CCDC137: variants seen among roughly 807,000 people sequenced by gnomAD.
CCDC137 encodes the protein coiled-coil domain-containing protein 137.
A neutral mutation model predicts 30.4 loss-of-function variants in CCDC137; 24 were observed. That is an observed-to-expected ratio of 0.79 (90% CI 0.57 to 1.11). The LOEUF is 1.11. Among genes scored for constraint, CCDC137 ranks in the 50% least tolerant of loss-of-function variants. The pLI, the probability that CCDC137 is intolerant of heterozygous loss-of-function variation, is 0.00. For missense variants in CCDC137, 417 were observed against 380.4 expected, an observed-to-expected ratio of 1.10 and a Z score of -0.80; for synonymous variants, 182 against 155.7, an observed-to-expected ratio of 1.17 and a Z score of -1.26.
At position 81,668,700 on chromosome 17, in the gene CCDC137, GTTTA is replaced by G. The variant is rs976084702; in HGVS notation, c.268+853_268+856del. Among the ~76,000 whole-genome samples, 48 of 150,340 alleles carry G rather than the reference GTTTA, an allele frequency of 3.2e-4. 1 individual carries two copies. The highest frequency in any genetic ancestry group is 9.8e-4 in the African/African-American group (39 of 39,796). On this transcript the variant is annotated intron_variant, in intron 2 of 5. Coordinates refer to ENST00000329214, the MANE Select transcript of CCDC137 (RefSeq NM_199287.3). ...ATTGAATTGGCACCTTTGTTTGTTT[GTTTA>G]TTTATTTATTTATTGAGATGGAGTC...
chr17:81,666,823 T>C lies in CCDC137; in HGVS notation c.57T>C (p.Ser19=). The C allele has an allele frequency of 7.4e-7, 1 of 1,357,780 alleles. No individual in the cohort carries two copies. Among genetic ancestry groups the C allele is most frequent in the South Asian group, 1.9e-5 (1 of 53,162 alleles). 84.1% of individuals were successfully genotyped at this position (1,357,780 alleles called of 1,614,324 possible). A position where few individuals can be genotyped will look rare whatever the true frequency, so the allele number is the denominator to read the frequency against. Residue 19 remains serine, a synonymous_variant, in exon 1 of 6, where the codon AGT becomes AGC. Transcript: ENST00000329214. ...CCAGGGTGCAGGCGGGTCCTGGGAG[T>C]CCCCGGCGAGCGCGGGGGCGGCAGC... The part of the protein sequence containing the change: ...AVSRVQAGPG[S]PRRARGRQQV...
intron 2 of CCDC137, among the ~76,000 whole-genome samples, chr17:81,668,882 G>T (rs1475260099): frequency 8.6e-4 from 117 of 136,164 alleles, no homozygotes; most frequent in African/African-American, 2.5e-3. Flanking sequence ...TTTGTGTGTG[G>T]TTTTTTTTTT....
At position 81,671,685 on chromosome 17, in the gene CCDC137, C is replaced by A. The variant is rs2036720753; in HGVS notation, c.498-59C>A. ...CCCTTGTGGGTGGGGCGGCCTCTGC[C>A]TCCTCCCTGGGTGGAAAGAGAATTT... On this transcript the variant is annotated intron_variant, in intron 3 of 5. Coordinates refer to ENST00000329214, the MANE Select transcript of CCDC137 (RefSeq NM_199287.3). 3 of 1,578,102 alleles carry A rather than the reference C, an allele frequency of 1.9e-6. No individual in the cohort carries two copies. In the African/African-American group the frequency reaches 4.1e-5, roughly 21 times the overall value.
At chr17:81,667,155 G>T (rs939601784) in intron 1 of CCDC137, 6 of 392,036 alleles carry the variant, frequency 1.5e-5, no homozygotes, top group Non-Finnish European at 2.7e-5. Context: ...GGTCAGGGCG[G>T]AAAGGCCTCC....
chr17:81,667,533 T>C (rs2036653997), intron 1 of CCDC137, among the ~76,000 whole-genome samples, 196 bp from the exon 2 acceptor site: 2 of 152,196 alleles, frequency 1.3e-5, no homozygotes, highest in African/African-American at 4.8e-5. Flanking sequence ...TTCACTGTGT[T>C]AGTCAGGATG....
At chr17:81,668,469 G>T (rs2144439451) in intron 2 of CCDC137, among the ~76,000 whole-genome samples, 1 of 152,322 alleles carries the variant, frequency 6.6e-6, no homozygotes, top group East Asian at 1.9e-4. Flanking sequence ...AGTCCACTGT[G>T]TGTATATTTT....
chr17:81,671,091 C>G (rs561085287), intron 3 of CCDC137, among the ~76,000 whole-genome samples: 1 of 150,878 alleles, frequency 6.6e-6, no homozygotes, highest in South Asian at 2.1e-4. Context: ...GAGATCGTGC[C>G]GCTGCACTCC....
chr17:81,669,972 C>T (rs1173521858), intron 2 of CCDC137: 22 of 504,250 alleles, frequency 4.4e-5, no homozygotes, highest in Admixed American at 1.4e-4. Context: ...TAGGGGTGGA[C>T]ATTAGGTTGT....
rs2036736642 is a variant in CCDC137, at chr17:81,672,696, C to T, written c.862C>T (p.Gln288Ter). The T allele has an allele frequency of 6.3e-7, 1 of 1,587,072 alleles. No homozygotes were observed. Among genetic ancestry groups the T allele is most frequent in the Non-Finnish European group, 8.6e-7 (1 of 1,167,752 alleles). ...HLTSRKKPEP[Q>*]L ...CACTTCCCGGAAGAAGCCAGAGCCG[C>T]AGCTGTGATGGAGAGACACCCGGGG... is the stretch of plus-strand genomic sequence containing the variant. The change falls in exon 6 of 6, where the codon CAG becomes TAG. Residue 288 changes from glutamine (Q) to a stop codon, truncating the protein, a stop_gained. Transcript: ENST00000329214. LOFTEE classifies it high-confidence loss of function.
chr17:81,669,887 T>C, intron 2 of CCDC137: 1 of 277,748 alleles, frequency 3.6e-6, no homozygotes, highest in South Asian at 4.4e-5. Flanking sequence ...TCTGTGTAGC[T>C]CCACTGGGCT....
At chr17:81,667,213 T>G in intron 1 of CCDC137, among the ~76,000 whole-genome samples, 1 of 152,158 alleles carries the variant, frequency 6.6e-6, no homozygotes, top group East Asian at 1.9e-4. Flanking sequence ...AGGAAGGGGT[T>G]CAGGGACAGC....
At chr17:81,670,787 C>T (rs2036711583) in intron 3 of CCDC137, among the ~76,000 whole-genome samples, 2 of 152,140 alleles carry the variant, frequency 1.3e-5, no homozygotes, top group Non-Finnish European at 1.5e-5. Flanking sequence ...GTTCTGTTTC[C>T]ATTAGAACAG....
chr17:81,667,726 C>T lies in CCDC137; in HGVS notation c.135-3C>T. The T allele has an allele frequency of 1.2e-6, 2 of 1,613,752 alleles. No homozygotes were observed. The highest frequency in any genetic ancestry group is 1.7e-6 in the Non-Finnish European group (2 of 1,179,956). Reference sequence around the variant, plus strand: ...GGTCTCACCCCCGTGTTCTTTCTCCCAGCAAAGAGAAGAAGAAAGTGAACT... The same window carrying T: ...GGTCTCACCCCCGTGTTCTTTCTCCTAGCAAAGAGAAGAAGAAAGTGAACT... On this transcript the variant is annotated splice_polypyrimidine_tract_variant and splice_region_variant and intron_variant, in intron 1 of 5. Transcript: ENST00000329214.
In CCDC137 at chr17:81,672,789, G is replaced by A; in HGVS notation, c.*85G>A. The A allele has an allele frequency of 1.5e-6, 2 of 1,316,028 alleles. No homozygotes were observed. Among genetic ancestry groups the A allele is most frequent in the South Asian group, 1.5e-5 (1 of 68,700 alleles). The allele number at this position is 1,316,028 out of a possible 1,614,324, so 81.5% of individuals were successfully genotyped here. A position where few individuals can be genotyped will look rare whatever the true frequency, so the allele number is the denominator to read the frequency against. The stretch of plus-strand genomic sequence containing the variant: ...CCTGGGTAGGAGAGAGGCAGGCCAT[G>A]CCAGCAGTGTGGGGTGAGGCCTCCA... On this transcript the variant is annotated 3_prime_UTR_variant, in exon 6 of 6. Transcript: ENST00000329214.
rs764307717 is a variant in CCDC137 at position 81,666,744 on chromosome 17, C to T, written c.-23C>T. ...ATGCAGGAAGGCGGAAGTGGCTTCG[C>T]TAGGGAGCCTCCCGGCGTGGAGATG... On this transcript the variant is annotated 5_prime_UTR_variant, in exon 1 of 6. Coordinates refer to ENST00000329214, the MANE Select transcript of CCDC137 (RefSeq NM_199287.3). The T allele has an allele frequency of 2.1e-6, 3 of 1,450,024 alleles. No individual in the cohort carries two copies. The highest frequency in any genetic ancestry group is 2.9e-5 in the South Asian group (2 of 68,986). The allele number at this position is 1,450,024 out of a possible 1,614,324, so 89.8% of individuals were successfully genotyped here. A position where few individuals can be genotyped will look rare whatever the true frequency, so the allele number is the denominator to read the frequency against.
Position 81,670,278 on chromosome 17 carries a change from G to A in CCDC137, c.322G>A (p.Asp108Asn), listed in dbSNP as rs1444365636. 33 of 1,613,888 alleles carry A rather than the reference G, an allele frequency of 2.0e-5. No homozygotes were observed. Among genetic ancestry groups the A allele is most frequent in the Non-Finnish European group, 2.5e-5 (30 of 1,180,032 alleles). ...GAAGGAAGCAAAGGGAGAGGAGCCCGACATCGCAGTCCCCAAGTTCAAACA... is the reference window on the plus strand; with the variant it reads ...GAAGGAAGCAAAGGGAGAGGAGCCCAACATCGCAGTCCCCAAGTTCAAACA... ...LEKEAKGEEP[D>N]IAVPKFKQRK... is the part of the protein sequence containing the mutation. Residue 108 changes from aspartate to asparagine, a missense_variant, in exon 3 of 6, where the codon GAC becomes AAC. Coordinates refer to ENST00000329214, the MANE Select transcript of CCDC137 (RefSeq NM_199287.3).
chr17:81,670,116 A>T, intron 2 of CCDC137, 109 bp from the exon 3 acceptor site: 1 of 846,608 alleles, frequency 1.2e-6, no homozygotes, highest in Non-Finnish European at 1.8e-6. Context: ...GGGTGCTTCC[A>T]GCCAGCCTGG....
intron 5 of CCDC137, among the ~76,000 whole-genome samples, 160 bp from the exon 6 acceptor site, chr17:81,672,335 G>A (rs1159811402): frequency 1.0e-4 from 15 of 149,706 alleles, no homozygotes; most frequent in Non-Finnish European, 1.6e-4. Context: ...GAGATCCTGT[G>A]TCAAGAAAAA....
intron 3 of CCDC137, among the ~76,000 whole-genome samples, chr17:81,671,369 T>C (rs1378155998): frequency 6.6e-6 from 1 of 152,162 alleles, no homozygotes; most frequent in Non-Finnish European, 1.5e-5. Flanking sequence ...TTAGGCCCTT[T>C]AGACACAGCA....
Sources: allele counts gnomAD v4.1 joint callset (sites outside exome capture counted in the v4.1 genomes callset), GRCh38; gene constraint gnomAD v4.1.1; transcripts MANE v1.5; gene names NCBI Gene and HGNC (gene_info 2026-07-23, HGNC 2026-07-21).